AGBL1: variants seen among roughly 807,000 people sequenced by gnomAD.
AGBL1 encodes the protein AGBL carboxypeptidase 1.
In AGBL1, 130 loss-of-function variants were observed where a neutral mutation model predicts 118.9. That is an observed-to-expected ratio of 1.09 (90% CI 0.95 to 1.26). The LOEUF (loss-of-function observed/expected upper bound fraction) is 1.26, where lower values mean the gene tolerates loss of function less well. AGBL1 is among the 50% of genes most tolerant of loss of function. The pLI is 0.00. For missense variants in AGBL1, 1,584 were observed against 1,298.1 expected (o/e 1.22, Z -3.38); for synonymous variants, 555 against 478.9 (o/e 1.16, Z -2.08).
At chr15:86,969,167 A>T (rs545612630) in intron 23 of AGBL1, among the ~76,000 whole-genome samples, 3 of 151,950 alleles carry the variant, frequency 2.0e-5, no homozygotes, top group African/African-American at 7.2e-5. Context: ...TTAAAGTTCA[A>T]AGTCTCATCT....
chr15:86,842,950 G>C (rs949137790), intron 22 of AGBL1, among the ~76,000 whole-genome samples: 1 of 152,078 alleles, frequency 6.6e-6, no homozygotes, highest in Non-Finnish European at 1.5e-5. Context: ...TCTGGAAAAT[G>C]CTTGCAACTC....
intron 16 of AGBL1, 50 bp downstream of exon 16, chr15:86,279,833 G>C: frequency 6.3e-7 from 1 of 1,597,694 alleles, no homozygotes; most frequent in Non-Finnish European, 8.6e-7. Flanking sequence ...GGGGCTCTCT[G>C]AGGTTTTCCT....
At chr15:86,919,573 GAC>G (rs376501612), downstream of AGBL1, among the ~76,000 whole-genome samples, 12,775 of 128,656 alleles carry the variant, frequency 0.099, 1,527 homozygotes, top group African/African-American at 0.28. Context: ...TCCCTGTTGA[GAC>G]ACACACACAC....
intron 24 of AGBL1, among the ~76,000 whole-genome samples, chr15:87,008,033 G>A (rs2141775036): frequency 6.6e-6 from 1 of 152,314 alleles, no homozygotes; most frequent in African/African-American, 2.4e-5. Flanking sequence ...AAGGAGGGAA[G>A]GTGTGATGGT....
intron 5 of AGBL1, among the ~76,000 whole-genome samples, chr15:86,198,876 T>C (rs2077859425): frequency 2.0e-5 from 3 of 152,190 alleles, no homozygotes; most frequent in Non-Finnish European, 4.4e-5. Context: ...TGATATTTTA[T>C]TATTATTGCT....
chr15:86,899,810 T>G (rs2080185687), intron 22 of AGBL1, among the ~76,000 whole-genome samples: 1 of 152,094 alleles, frequency 6.6e-6, no homozygotes, highest in African/African-American at 2.4e-5. Flanking sequence ...AGTGTTAACT[T>G]GATTGGATTG....
At chr15:86,805,373 T>C (rs1015004448) in intron 22 of AGBL1, among the ~76,000 whole-genome samples, 1 of 152,084 alleles carries the variant, frequency 6.6e-6, no homozygotes, top group Non-Finnish European at 1.5e-5. Context: ...AAGAGCCTTG[T>C]TCCTCTGCCC....
At chr15:86,418,462 G>T (rs2081733489) in intron 18 of AGBL1, among the ~76,000 whole-genome samples, 1 of 152,118 alleles carries the variant, frequency 6.6e-6, no homozygotes, top group African/African-American at 2.4e-5. Flanking sequence ...AATTGTTCTT[G>T]GTTACAGGTG....
chr15:86,899,312 A>G (rs1362763901), intron 22 of AGBL1, among the ~76,000 whole-genome samples: 1 of 152,176 alleles, frequency 6.6e-6, no homozygotes, highest in Non-Finnish European at 1.5e-5. Context: ...ACGTGTTATC[A>G]CTTATAAGTG....
At chr15:86,314,116 G>A (rs1186283660) in intron 17 of AGBL1, among the ~76,000 whole-genome samples, 4 of 152,196 alleles carry the variant, frequency 2.6e-5, no homozygotes, top group African/African-American at 9.7e-5. Context: ...GGTGCTTATA[G>A]TCTATCTTTG....
chr15:86,505,626 G>C (rs553339148), intron 18 of AGBL1, among the ~76,000 whole-genome samples: 10 of 151,894 alleles, frequency 6.6e-5, no homozygotes, highest in African/African-American at 2.2e-4. Context: ...TAAAATTTTT[G>C]TTTTTTAATG....
chr15:86,142,932 A>T (rs1156616032), intron 2 of AGBL1, among the ~76,000 whole-genome samples: 1 of 152,216 alleles, frequency 6.6e-6, no homozygotes, highest in African/African-American at 2.4e-5. Flanking sequence ...TCATTAGGAC[A>T]AAAAATCAGA....
chr15:86,309,436 T>G (rs1415844559), intron 17 of AGBL1, among the ~76,000 whole-genome samples: 1 of 152,212 alleles, frequency 6.6e-6, no homozygotes, highest in East Asian at 1.9e-4. Context: ...GGACCACTAG[T>G]ACTATATCGA....
intron 21 of AGBL1, among the ~76,000 whole-genome samples, chr15:86,618,901 A>G (rs2084766850): frequency 2.0e-5 from 3 of 152,144 alleles, no homozygotes; most frequent in Admixed American, 6.5e-5. Flanking sequence ...CTCTTGGGAT[A>G]CAGGTTCTGC....
At chr15:86,170,400 CT>C (rs1023225829) in intron 5 of AGBL1, among the ~76,000 whole-genome samples, 1 of 151,784 alleles carries the variant, frequency 6.6e-6, no homozygotes, top group African/African-American at 2.4e-5. Flanking sequence ...ATTTGAGCCA[CT>C]GGGGAGAGGA....
intron 23 of AGBL1, among the ~76,000 whole-genome samples, chr15:86,978,577 A>G (rs1460085596): frequency 6.6e-6 from 1 of 152,156 alleles, no homozygotes; most frequent in African/African-American, 2.4e-5. Flanking sequence ...CTGATGTAGG[A>G]CCAAAATATA....
intron 16 of AGBL1, among the ~76,000 whole-genome samples, chr15:86,281,005 T>G (rs1428649915): frequency 6.6e-6 from 1 of 152,204 alleles, no homozygotes; most frequent in Admixed American, 6.6e-5. Flanking sequence ...CATGTTTTGT[T>G]GCCTTTAGGG....
chr15:87,022,602 G>A lies in AGBL1; in HGVS notation c.3324-6223G>A, dbSNP rs567842984. On this transcript the variant is annotated intron_variant, in intron 24 of 24. Transcript: ENST00000441037. Reference sequence around the variant, plus strand: ...AGACATCCAAATACAAGAAGCTCAAGGAACACCTGGGAAATTCATCACAAA... The same window carrying A: ...AGACATCCAAATACAAGAAGCTCAAAGAACACCTGGGAAATTCATCACAAA... Among the ~76,000 whole-genome samples the A allele has an allele frequency of 1.2e-4, 19 of 152,074 alleles. No homozygotes were observed. In the East Asian group the frequency reaches 3.7e-3, roughly 30 times the overall value.
At chr15:86,802,140 T>G (rs1001102230) in intron 22 of AGBL1, among the ~76,000 whole-genome samples, 1 of 152,180 alleles carries the variant, frequency 6.6e-6, no homozygotes, top group Non-Finnish European at 1.5e-5. Flanking sequence ...CACTGAATGA[T>G]TCCATATACA....
Sources: allele counts gnomAD v4.1 joint callset (sites outside exome capture counted in the v4.1 genomes callset), GRCh38; gene constraint gnomAD v4.1.1; transcripts MANE v1.5; gene names NCBI Gene and HGNC (gene_info 2026-07-23, HGNC 2026-07-21).